The following COL19A1 variants were observed in gnomAD, a reference collection of about 807,000 sequenced individuals.
COL19A1 encodes the protein collagen type XIX alpha 1 chain, also known as collagen alpha-1(XIX) chain.
In COL19A1, 159 loss-of-function variants were observed where a neutral mutation model predicts 190.2. That is an observed-to-expected ratio of 0.84 (90% CI 0.73 to 0.95). COL19A1 has a LOEUF of 0.95. Ranked by LOEUF, COL19A1 falls within the 40% of genes least tolerant of loss-of-function variation. The pLI is 0.00. For missense variants in COL19A1, 1,418 were observed against 1,431.9 expected (o/e 0.99, Z 0.16); for synonymous variants, 509 against 458.9 (o/e 1.11, Z -1.39).
At chr6:70,141,593 C>T (rs1426998249) in intron 20 of COL19A1, among the ~76,000 whole-genome samples, 4 of 151,994 alleles carry the variant, frequency 2.6e-5, no homozygotes, top group Admixed American at 2.0e-4. Context: ...TAGTTGGTGT[C>T]AAATTATAAC....
intron 14 of COL19A1, among the ~76,000 whole-genome samples, chr6:70,044,771 C>T (rs1412250801): frequency 6.6e-6 from 1 of 151,992 alleles, no homozygotes; most frequent in African/African-American, 2.4e-5. Flanking sequence ...CATTTTTTTC[C>T]CATCTAATTC....
chr6:69,953,590 C>A (rs1190571991), intron 9 of COL19A1, among the ~76,000 whole-genome samples: 2 of 151,976 alleles, frequency 1.3e-5, no homozygotes, highest in Non-Finnish European at 2.9e-5. Context: ...CTTGCTCACT[C>A]TGCAGCTGAT....
At chr6:70,150,103 G>A (rs1786955975) in intron 30 of COL19A1, 58 bp downstream of exon 30, 2 of 1,569,654 alleles carry the variant, frequency 1.3e-6, no homozygotes, top group Non-Finnish European at 1.8e-6. Context: ...AAGCCAAACA[G>A]CCTACCAAGC....
At chr6:70,199,778 CT>C in intron 49 of COL19A1, 42 bp downstream of exon 49, 1 of 1,549,972 alleles carries the variant, frequency 6.5e-7, no homozygotes, top group South Asian at 1.3e-5. Flanking sequence ...ATTTTTAACT[CT>C]CTGTATTTAT....
chr6:70,072,336 G>A (rs541035215), intron 15 of COL19A1, among the ~76,000 whole-genome samples: 43 of 152,158 alleles, frequency 2.8e-4, no homozygotes, highest in African/African-American at 3.9e-4. Context: ...CAAGGTTAGC[G>A]TGAAGCTACC....
chr6:69,919,105 C>T lies in COL19A1; in HGVS notation c.267-8804C>T, dbSNP rs1771518128. On this transcript the variant is annotated intron_variant, in intron 4 of 50. Coordinates refer to ENST00000620364, the MANE Select transcript of COL19A1 (RefSeq NM_001858.6). ...GGTGACACATTTGCTGCCCAAGACT[C>T]AGCATCTCATCTCTGTCTGTCTAAC... Among the ~76,000 whole-genome samples, 3 of 152,174 alleles carry T rather than the reference C, an allele frequency of 2.0e-5. No homozygotes were observed. The South Asian group carries it at 6.2e-4, about 31-fold the overall frequency.
intron 9 of COL19A1, 146 bp downstream of exon 9, chr6:69,938,246 G>A: frequency 1.4e-6 from 1 of 739,626 alleles, no homozygotes; most frequent in Non-Finnish European, 2.2e-6. Context: ...GCTGATTACT[G>A]AAATAGAGAC....
intron 23 of COL19A1, among the ~76,000 whole-genome samples, chr6:70,143,981 C>T (rs572427671): frequency 3.3e-5 from 5 of 152,182 alleles, no homozygotes; most frequent in Non-Finnish European, 5.9e-5. Context: ...CGGTTCAATT[C>T]GACTTTAGTT....
intron 11 of COL19A1, among the ~76,000 whole-genome samples, chr6:70,010,825 C>T (rs1777968084): frequency 8.0e-6 from 1 of 124,348 alleles, no homozygotes; most frequent in South Asian, 2.6e-4. Context: ...GTAAACAAAG[C>T]AGCCAGGAAG....
At chr6:70,143,767 C>G (rs1315698339) in intron 23 of COL19A1, among the ~76,000 whole-genome samples, 1 of 151,868 alleles carries the variant, frequency 6.6e-6, no homozygotes. Context: ...CCTGGTGGCA[C>G]AAGTGGAGCC....
rs1787459848 is a variant in COL19A1, at chr6:70,156,662, CT to C, written c.2239-3del. ...TGCATGTGCTAGCTGAATGTATTGT[CT>C]TTTTAGGGAAGCAAAGGAGAGCGGG... On this transcript the variant is annotated splice_region_variant and splice_polypyrimidine_tract_variant and intron_variant, in intron 33 of 50. Transcript: ENST00000620364. 6.2e-7 allele frequency: 1 copy of C among 1,611,250 alleles called. No individual in the cohort carries two copies. The highest frequency in any genetic ancestry group is 8.5e-7 in the Non-Finnish European group (1 of 1,178,332).
intron 11 of COL19A1, among the ~76,000 whole-genome samples, chr6:69,986,403 T>C (rs1198745674): frequency 6.6e-6 from 1 of 152,104 alleles, no homozygotes; most frequent in Admixed American, 6.6e-5. Flanking sequence ...GTCCAGTGTT[T>C]CTCATAACGT....
Position 69,880,381 on chromosome 6 carries a change from A to G in COL19A1, c.91+723A>G, listed in dbSNP as rs145516411. Among the ~76,000 whole-genome samples, 307 of 152,324 alleles carry G rather than the reference A, an allele frequency of 2.0e-3. 1 individual carries two copies. The highest frequency in any genetic ancestry group is 6.9e-3 in the African/African-American group (287 of 41,574). ...TTGAATTAGGCACATTGGAGAAGCC[A>G]TTTGCTAGGGAAAGAGAAACTTCAT... On this transcript the variant is annotated intron_variant, in intron 2 of 50. Transcript: ENST00000620364.
At position 69,891,896 on chromosome 6, in the gene COL19A1, A is replaced by T. The variant is rs1383020457; in HGVS notation, c.92-7052A>T. ...TATTGTCTGCCTCTGGATCCCTAAG[A>T]TCCATTTTTCTATCCTAGGGCTTTG... is the stretch of plus-strand genomic sequence containing the variant. On this transcript the variant is annotated intron_variant, in intron 2 of 50. Coordinates refer to ENST00000620364, the MANE Select transcript of COL19A1 (RefSeq NM_001858.6). 2.6e-5 allele frequency among the ~76,000 whole-genome samples: 4 copies of T among 152,206 alleles called. No individual in the cohort carries two copies. In the East Asian group the frequency reaches 5.8e-4, roughly 22 times the overall value.
intron 17 of COL19A1, among the ~76,000 whole-genome samples, chr6:70,124,525 T>C (rs1346557964): frequency 1.3e-5 from 2 of 150,066 alleles, no homozygotes; most frequent in Non-Finnish European, 3.0e-5. Context: ...AAGTTGAGAA[T>C]GTAAATTTTT....
intron 14 of COL19A1, among the ~76,000 whole-genome samples, chr6:70,043,209 T>G (rs1432805869): frequency 1.4e-5 from 2 of 145,364 alleles, no homozygotes; most frequent in Non-Finnish European, 3.1e-5. Context: ...TTTTTTTTTT[T>G]GAGAAGGAGT....
At chr6:69,928,963 T>A (rs1415777871) in intron 5 of COL19A1, among the ~76,000 whole-genome samples, 1 of 152,130 alleles carries the variant, frequency 6.6e-6, no homozygotes, top group Non-Finnish European at 1.5e-5. Context: ...GTATCAATGG[T>A]GAAAGAATTG....
intron 48 of COL19A1, among the ~76,000 whole-genome samples, chr6:70,193,219 T>C (rs1440041870): frequency 6.6e-6 from 1 of 152,154 alleles, no homozygotes; most frequent in Non-Finnish European, 1.5e-5. Context: ...AAAGAGACAC[T>C]TCTACTCCCT....
intron 15 of COL19A1, 24 bp from the exon 16 acceptor site, chr6:70,102,145 C>T: frequency 2.5e-6 from 4 of 1,595,510 alleles, no homozygotes; most frequent in Non-Finnish European, 3.4e-6. Flanking sequence ...CAGTATTTAT[C>T]ATCTATTCTT....
Sources: allele counts gnomAD v4.1 joint callset (sites outside exome capture counted in the v4.1 genomes callset), GRCh38; gene constraint gnomAD v4.1.1; transcripts MANE v1.5; gene names NCBI Gene and HGNC (gene_info 2026-07-23, HGNC 2026-07-21).